FBLN7: variants seen among roughly 807,000 people sequenced by gnomAD.
FBLN7 encodes fibulin-7.
FBLN7 carries 31 observed loss-of-function variants against 44.0 expected under a neutral mutation model. The observed-to-expected ratio is 0.70, with a 90% confidence interval of 0.53 to 0.95. The LOEUF (loss-of-function observed/expected upper bound fraction) is 0.95, where lower values mean the gene tolerates loss of function less well. Among genes scored for constraint, FBLN7 ranks in the 40% least tolerant of loss-of-function variants. The probability of loss-of-function intolerance (pLI) is 0.00; values close to 1 mark genes in which losing one functional copy is unlikely to be tolerated. For missense variants in FBLN7, 573 were observed against 618.5 expected (o/e 0.93, Z 0.78); for synonymous variants, 262 against 253.4 (o/e 1.03, Z -0.32).
rs538058161 is a variant in FBLN7 at position 112,148,433 on chromosome 2, A to G, written c.75+9703A>G. On this transcript the variant is annotated intron_variant, in intron 1 of 7. Transcript: ENST00000331203. ...TCTGAGATAAATACCGCTATCTAAA[A>G]TGAGGTATTTCATAAAACAGATATT... Among the ~76,000 whole-genome samples, 4 of 152,364 alleles carry G rather than the reference A, an allele frequency of 2.6e-5. No individual in the cohort carries two copies. The South Asian group carries it at 8.3e-4, about 32-fold the overall frequency.
the FBLN7 span, chr2:112,238,468 A>G: frequency 1.2e-5 from 19 of 1,612,982 alleles, no homozygotes; most frequent in Non-Finnish European, 1.5e-5. Context: ...TATACATCAT[A>G]GTCCTTACTT....
chr2:112,181,885 G>C lies in FBLN7; in HGVS notation c.670+9G>C, dbSNP rs1004537286. ...CGACAGCGTCTGCCAGGGTAGGCGC[G>C]GGCTCCGCCAGGACACTGGGGACAG... is the stretch of plus-strand genomic sequence containing the variant. On this transcript the variant is annotated intron_variant, in intron 5 of 7. Transcript: ENST00000331203. 3 of 1,534,058 alleles carry C rather than the reference G, an allele frequency of 2.0e-6. No homozygotes were observed. Among genetic ancestry groups the C allele is most frequent in the East Asian group, 2.4e-5 (1 of 40,878 alleles).
downstream of FBLN7, among the ~76,000 whole-genome samples, chr2:112,191,876 T>C (rs1683501831): frequency 6.6e-6 from 1 of 152,222 alleles, no homozygotes; most frequent in African/African-American, 2.4e-5. Context: ...CAAAGTCAAA[T>C]CTACAGAACA....
chr2:112,187,276 G>C lies in FBLN7; in HGVS notation c.1090G>C (p.Gly364Arg). The change falls in exon 8 of 8, where the codon GGC (glycine) becomes CGC (arginine). Residue 364 changes from glycine (G) to arginine (R), a missense_variant. Gly to Arg is a moderately radical substitution (Grantham distance 125). Transcript: ENST00000331203. This position sits in a 1 kb window ranked among gnomAD's most constrained non-coding sequence, Gnocchi z 5.1. ...CCGCATGGCCACAGCCTCTGCCCCC[G>C]GCCGAGCTGGGCCCAACAGCCTGCG... The part of the protein sequence containing the change: ...LFRMATASAP[G>R]RAGPNSLRFG... 6.2e-7 allele frequency: 1 copy of C among 1,614,124 alleles called. No homozygotes were observed. The highest frequency in any genetic ancestry group is 8.5e-7 in the Non-Finnish European group (1 of 1,180,032).
chr2:112,187,409 T>C lies in FBLN7; in HGVS notation c.1223T>C (p.Leu408Pro). Residue 408 changes from leucine to proline, a missense_variant, in exon 8 of 8, where the codon CTG becomes CCG. Leu to Pro is a moderately conservative substitution (Grantham distance 98). Coordinates refer to ENST00000331203, the MANE Select transcript of FBLN7 (RefSeq NM_153214.3). The surrounding 1 kb of genome is among the most constrained non-coding windows in gnomAD (Gnocchi z 5.1). ...LVQNLEGPQT[L>P]EVDVDMSEYL... The stretch of plus-strand genomic sequence containing the variant: ...CAGAACCTGGAGGGGCCTCAGACGC[T>C]GGAGGTGGACGTCGACATGTCGGAA... The C allele has an allele frequency of 6.2e-7, 1 of 1,614,164 alleles. No individual in the cohort carries two copies. Among genetic ancestry groups the C allele is most frequent in the Non-Finnish European group, 8.5e-7 (1 of 1,180,026 alleles).
the FBLN7 span, among the ~76,000 whole-genome samples, chr2:112,226,589 CA>C: frequency 0.095 from 7,081 of 74,198 alleles, 662 homozygotes; most frequent in East Asian, 0.41. Context: ...GACTCCATCT[CA>C]AAAAAAAAAA....
At chr2:112,184,716 T>TATATG (rs61464720) in intron 6 of FBLN7, among the ~76,000 whole-genome samples, 151 of 41,434 alleles carry the variant, frequency 3.6e-3, no homozygotes, top group South Asian at 0.018. Flanking sequence ...ATATGGTATA[T>TATATG]GTATATATAT....
At chr2:112,232,463 G>C in the FBLN7 span, among the ~76,000 whole-genome samples, 1 of 152,012 alleles carries the variant, frequency 6.6e-6, no homozygotes, top group African/African-American at 2.4e-5. Context: ...GCTATGACAG[G>C]ACATTTTTTT....
At chr2:112,159,158 G>C (rs956839882) in intron 1 of FBLN7, among the ~76,000 whole-genome samples, 3 of 149,980 alleles carry the variant, frequency 2.0e-5, no homozygotes. Context: ...ACTGAACATT[G>C]ACTTTTATTG....
the FBLN7 span, among the ~76,000 whole-genome samples, chr2:112,223,028 A>G: frequency 6.6e-6 from 1 of 152,088 alleles, no homozygotes; most frequent in Non-Finnish European, 1.5e-5. Context: ...TGTTGACTGC[A>G]TGTTCTCACT....
the FBLN7 span, chr2:112,233,986 T>A: frequency 1.8e-6 from 1 of 562,322 alleles, no homozygotes; most frequent in African/African-American, 2.0e-5. Flanking sequence ...AAAAGAATAC[T>A]TCACTAAAAT....
intron 1 of FBLN7, among the ~76,000 whole-genome samples, chr2:112,140,100 C>T (rs1395510412): frequency 1.9e-4 from 24 of 126,578 alleles, no homozygotes; most frequent in Non-Finnish European, 3.3e-5. Context: ...ACGCCAGCGT[C>T]CCTCCCGCCT....
At chr2:112,225,096 G>C in the FBLN7 span, among the ~76,000 whole-genome samples, 6 of 152,312 alleles carry the variant, frequency 3.9e-5, no homozygotes, top group Non-Finnish European at 7.4e-5. Context: ...GTAGTATGTA[G>C]AAAGAGAATT....
intron 1 of FBLN7, among the ~76,000 whole-genome samples, chr2:112,144,526 T>C (rs1680809163): frequency 2.7e-5 from 1 of 37,276 alleles, no homozygotes; most frequent in East Asian, 3.2e-4. Flanking sequence ...TTCTTTTCTT[T>C]TTTTTTTTTT....
the FBLN7 span, among the ~76,000 whole-genome samples, chr2:112,195,748 C>G: frequency 2.0e-5 from 3 of 152,248 alleles, no homozygotes; most frequent in Non-Finnish European, 4.4e-5. Context: ...ACCTGACCTG[C>G]TGGCATCCCA....
chr2:112,225,967 A>G, the FBLN7 span, among the ~76,000 whole-genome samples: 2 of 152,046 alleles, frequency 1.3e-5, no homozygotes, highest in Admixed American at 6.6e-5. Context: ...CTGTAATCCC[A>G]GCTACTTGGG....
At chr2:112,200,165 C>A in the FBLN7 span, among the ~76,000 whole-genome samples, 1 of 152,218 alleles carries the variant, frequency 6.6e-6, no homozygotes, top group Non-Finnish European at 1.5e-5. Flanking sequence ...CCAACTCAAG[C>A]AACCAGTGCT....
intron 1 of FBLN7, among the ~76,000 whole-genome samples, chr2:112,150,615 C>G (rs760373737): frequency 6.6e-6 from 1 of 152,140 alleles, no homozygotes; most frequent in African/African-American, 2.4e-5. Flanking sequence ...CAGCGTAGCA[C>G]GTGGTGAAGA....
rs1343316747 is a variant in FBLN7 at position 112,183,752 on chromosome 2, G to A, written c.808+824G>A. ...TGGTTTCCTGGAGGGCCGGGTTGAG[G>A]TTTCTGAGGCTGATTCCTGGCAGAG... On this transcript the variant is annotated intron_variant, in intron 6 of 7. Coordinates refer to ENST00000331203, the MANE Select transcript of FBLN7 (RefSeq NM_153214.3). 2.6e-5 allele frequency among the ~76,000 whole-genome samples: 4 copies of A among 152,150 alleles called. No homozygotes were observed. The South Asian group carries it at 6.2e-4, about 24-fold the overall frequency.
Sources: gnomAD v4.1 joint callset for allele counts (sites outside exome capture counted in the v4.1 genomes callset) on GRCh38, gnomAD v4.1.1 for gene constraint, Gnocchi (gnomAD v3.1) non-coding constraint, MANE v1.5 for transcripts, NCBI Gene and HGNC (gene_info 2026-07-23, HGNC 2026-07-21) for gene names.